Variants in HNF4G observed in about 807,000 individuals in gnomAD.
HNF4G encodes the protein hepatocyte nuclear factor 4-gamma.
A neutral mutation model predicts 50.9 loss-of-function variants in HNF4G; 21 were observed. The observed-to-expected ratio is 0.41, with a 90% confidence interval of 0.29 to 0.59. The LOEUF (loss-of-function observed/expected upper bound fraction) is 0.59, where lower values mean the gene tolerates loss of function less well. Among genes scored for constraint, HNF4G ranks in the 20% least tolerant of loss-of-function variants. The pLI, the probability that HNF4G is intolerant of heterozygous loss-of-function variation, is 0.26. For missense variants in HNF4G, 527 were observed against 559.4 expected, an observed-to-expected ratio of 0.94 and a Z score of 0.58; for synonymous variants, 198 against 185.6, an observed-to-expected ratio of 1.07 and a Z score of -0.54.
At chr8:75,518,423 C>A (rs1055485373) in intron 2 of HNF4G, among the ~76,000 whole-genome samples, 1 of 152,010 alleles carries the variant, frequency 6.6e-6, no homozygotes, top group Non-Finnish European at 1.5e-5. Flanking sequence ...GTCGGTGTGG[C>A]GATTCCTCAG....
intron 2 of HNF4G, among the ~76,000 whole-genome samples, chr8:75,513,661 T>C (rs1365350103): frequency 6.6e-6 from 1 of 152,100 alleles, no homozygotes; most frequent in Non-Finnish European, 1.5e-5. Context: ...TTTTTCCCTG[T>C]TGCTTGTTTT....
intron 1 of HNF4G, among the ~76,000 whole-genome samples, chr8:75,449,230 T>G (rs1029525526): frequency 2.0e-5 from 3 of 152,136 alleles, no homozygotes; most frequent in African/African-American, 4.8e-5. Context: ...TATTTTTTTG[T>G]AAAGAGACAG....
intron 2 of HNF4G, among the ~76,000 whole-genome samples, chr8:75,514,262 A>T: frequency 1.4e-5 from 2 of 144,934 alleles, no homozygotes; most frequent in African/African-American, 2.5e-5. Context: ...ATTGACATAA[A>T]TCTCTCTTCT....
chr8:75,457,210 G>A (rs1003616721), intron 1 of HNF4G, among the ~76,000 whole-genome samples: 1 of 152,136 alleles, frequency 6.6e-6, no homozygotes, highest in African/African-American at 2.4e-5. Context: ...GTTGTAAAGA[G>A]GACCCACATA....
intron 1 of HNF4G, among the ~76,000 whole-genome samples, chr8:75,452,419 T>C (rs575710098): frequency 4.6e-5 from 7 of 152,032 alleles, no homozygotes; most frequent in Non-Finnish European, 8.8e-5. Flanking sequence ...ATCTTTTTAA[T>C]GAGTTTCAAG....
In HNF4G at chr8:75,553,016, TA is replaced by T. The variant is rs771377947; in HGVS notation, c.490-24del. On this transcript the variant is annotated intron_variant, in intron 4 of 9. Coordinates refer to ENST00000396423, the MANE Select transcript of HNF4G (RefSeq NM_004133.5). ...GTTGGCCATCTATTATTTTAAATGA[TA>T]ATATAATGCTTTTCTTAATACTAGA... The T allele has an allele frequency of 1.3e-4, 199 of 1,548,332 alleles. 1 individual carries two copies. The South Asian group carries it at 2.3e-3, about 18-fold the overall frequency.
chr8:75,483,254 A>ATT (rs11378664), intron 1 of HNF4G, among the ~76,000 whole-genome samples: 13 of 151,114 alleles, frequency 8.6e-5, no homozygotes, highest in African/African-American at 2.4e-4. Flanking sequence ...AAGTCACTTA[A>ATT]TTTTTTTTTT....
At chr8:75,555,494 G>A (rs1807088056) in intron 5 of HNF4G, among the ~76,000 whole-genome samples, 1 of 152,004 alleles carries the variant, frequency 6.6e-6, no homozygotes, top group Non-Finnish European at 1.5e-5. Context: ...CTTTGCTTTT[G>A]TTTATTTAGT....
rs180857945 is a variant in HNF4G at position 75,435,496 on chromosome 8, T to G, written c.-144+27334T>G. On this transcript the variant is annotated intron_variant, in intron 1 of 10. Coordinates refer to the HNF4G transcript ENST00000354370. ...ATCCAGAGTAAATCAATGATGCCTG[T>G]TTTCACCACATCAATTCAACATTGT... Among the ~76,000 whole-genome samples, 337 of 152,282 alleles carry G rather than the reference T, an allele frequency of 2.2e-3. 1 individual carries two copies. The highest frequency in any genetic ancestry group is 7.7e-3 in the African/African-American group (320 of 41,554).
chr8:75,418,587 T>G (rs1810697812), intron 1 of HNF4G, among the ~76,000 whole-genome samples: 1 of 152,156 alleles, frequency 6.6e-6, no homozygotes, highest in Non-Finnish European at 1.5e-5. Flanking sequence ...CCTTAGTATA[T>G]TCCCCCTTTG....
chr8:75,440,046 C>T (rs1364489657), intron 1 of HNF4G, among the ~76,000 whole-genome samples: 2 of 152,032 alleles, frequency 1.3e-5, no homozygotes, highest in Non-Finnish European at 2.9e-5. Context: ...ACTGTACCAT[C>T]AGAACATTAT....
At chr8:75,559,664 C>T (rs1474489374) in intron 8 of HNF4G, among the ~76,000 whole-genome samples, 1 of 152,098 alleles carries the variant, frequency 6.6e-6, no homozygotes, top group Non-Finnish European at 1.5e-5. Context: ...CAAAGAGAAA[C>T]AAATTTCCTG....
intron 2 of HNF4G, among the ~76,000 whole-genome samples, chr8:75,507,466 G>A (rs1585905656): frequency 6.6e-6 from 1 of 152,046 alleles, no homozygotes; most frequent in East Asian, 1.9e-4. Flanking sequence ...TCACCATCAT[G>A]GCCAGGCTGG....
chr8:75,430,428 C>G (rs867416915), intron 1 of HNF4G, among the ~76,000 whole-genome samples: 1 of 148,296 alleles, frequency 6.7e-6, no homozygotes. Context: ...AAAGACAATA[C>G]TTATTGTGAA....
chr8:75,464,767 A>G (rs1441195475), intron 1 of HNF4G, among the ~76,000 whole-genome samples: 4 of 152,300 alleles, frequency 2.6e-5, no homozygotes, highest in South Asian at 2.1e-4. Flanking sequence ...AGATCATGGG[A>G]CATGAGGCTG....
chr8:75,487,394 TG>T (rs2130672579), intron 1 of HNF4G, among the ~76,000 whole-genome samples: 1 of 152,336 alleles, frequency 6.6e-6, no homozygotes, highest in East Asian at 1.9e-4. Context: ...ATCACTGATC[TG>T]CTCAACAAAT....
At chr8:75,557,263 A>G (rs1479385023) in intron 6 of HNF4G, among the ~76,000 whole-genome samples, 1 of 152,216 alleles carries the variant, frequency 6.6e-6, no homozygotes, top group African/African-American at 2.4e-5. Context: ...TAACTATGTG[A>G]GGTGAAATAT....
intron 1 of HNF4G, among the ~76,000 whole-genome samples, chr8:75,454,645 G>T (rs1156297985): frequency 6.6e-6 from 1 of 152,124 alleles, no homozygotes; most frequent in South Asian, 2.1e-4. Context: ...CTCCCTATTT[G>T]CTCAGGTCTC....
At chr8:75,408,300 A>T (rs1810413315) in intron 1 of HNF4G, 1 of 152,928 alleles carries the variant, frequency 6.5e-6, no homozygotes, top group African/African-American at 2.4e-5. Context: ...TTGGGTGCAG[A>T]GAAAGCTTTG....
Sources: allele counts gnomAD v4.1 joint callset (sites outside exome capture counted in the v4.1 genomes callset), GRCh38; gene constraint gnomAD v4.1.1; transcripts MANE v1.5; gene names NCBI Gene and HGNC (gene_info 2026-07-23, HGNC 2026-07-21).